Variants in RCAN2 observed in about 807,000 individuals in gnomAD.
RCAN2 encodes the protein regulator of calcineurin 2, also known as calcipressin-2.
RCAN2 carries 9 observed loss-of-function variants against 23.6 expected under a neutral mutation model. The observed-to-expected ratio is 0.38, with a 90% CI of 0.23 to 0.67. The LOEUF is 0.67. RCAN2 is among the 30% of genes least tolerant of loss of function. RCAN2 has a pLI of 0.51. For missense variants in RCAN2, 273 were observed against 302.3 expected (o/e 0.90, Z 0.72); for synonymous variants, 109 against 115.7 (o/e 0.94, Z 0.37).
chr6:46,429,375 A>G (rs185836336), intron 2 of RCAN2, among the ~76,000 whole-genome samples: 2 of 152,324 alleles, frequency 1.3e-5, no homozygotes, highest in East Asian at 1.9e-4. Context: ...ATCTATGTGA[A>G]TATCAGCAAA....
At chr6:46,290,248 T>A (rs1013226158) in intron 2 of RCAN2, among the ~76,000 whole-genome samples, 1 of 152,120 alleles carries the variant, frequency 6.6e-6, no homozygotes, top group Non-Finnish European at 1.5e-5. Flanking sequence ...TCTAAGAATA[T>A]GCAGGAAAAA....
At chr6:46,224,287 C>T (rs921209609) in intron 4 of RCAN2, among the ~76,000 whole-genome samples, 1 of 152,214 alleles carries the variant, frequency 6.6e-6, no homozygotes, top group Admixed American at 6.5e-5. Flanking sequence ...CCTCTCCGGA[C>T]ATCCCATCCT....
At chr6:46,436,929 T>C (rs1767387421) in intron 2 of RCAN2, among the ~76,000 whole-genome samples, 2 of 152,132 alleles carry the variant, frequency 1.3e-5, no homozygotes, top group Non-Finnish European at 2.9e-5. Context: ...CAAAAGAAAG[T>C]TCAGCCTTCC....
At chr6:46,223,324 G>A (rs751562694) in intron 4 of RCAN2, 23 bp from the exon 5 acceptor site, 4 of 1,607,708 alleles carry the variant, frequency 2.5e-6, no homozygotes, top group Non-Finnish European at 3.4e-6. Flanking sequence ...AAAAATGGAA[G>A]TGAGAAAGAG....
chr6:46,455,035 G>A (rs1767978378), intron 2 of RCAN2, among the ~76,000 whole-genome samples: 1 of 152,214 alleles, frequency 6.6e-6, no homozygotes, highest in African/African-American at 2.4e-5. Flanking sequence ...CCTTCTAATT[G>A]TGATATTTAG....
chr6:46,332,173 T>A (rs528041244), intron 2 of RCAN2, among the ~76,000 whole-genome samples: 54 of 152,318 alleles, frequency 3.5e-4, no homozygotes, highest in African/African-American at 1.0e-3. Context: ...ATATAAAATA[T>A]TTCCATGGCT....
intron 2 of RCAN2, among the ~76,000 whole-genome samples, chr6:46,313,020 G>A (rs116761054): frequency 0.011 from 1,617 of 152,274 alleles, 22 homozygotes; most frequent in African/African-American, 0.037. Flanking sequence ...TGTGACCCCA[G>A]TTTCTGTGTA....
intron 2 of RCAN2, among the ~76,000 whole-genome samples, chr6:46,378,414 T>A (rs1452752373): frequency 6.6e-6 from 1 of 152,204 alleles, no homozygotes; most frequent in Non-Finnish European, 1.5e-5. Flanking sequence ...GCTATTAGTC[T>A]CATCATTCTA....
At chr6:46,320,650 G>A (rs1174479558) in intron 2 of RCAN2, among the ~76,000 whole-genome samples, 2 of 152,188 alleles carry the variant, frequency 1.3e-5, no homozygotes, top group Non-Finnish European at 2.9e-5. Flanking sequence ...TGGATTGGGA[G>A]GATGTTGAGA....
intron 2 of RCAN2, among the ~76,000 whole-genome samples, chr6:46,334,638 C>T (rs1206839561): frequency 6.6e-6 from 1 of 152,174 alleles, no homozygotes; most frequent in Non-Finnish European, 1.5e-5. Context: ...ATGCAATCCA[C>T]ATTCTCCGCA....
In RCAN2 at chr6:46,275,458, A is replaced by G. The variant is rs529207776; in HGVS notation, c.226-26562T>C. ...CAAAACAGTTGGTGAGTTTGCCAAC[A>G]CTGGACTTGGCTCCACCATCTTCTC... On this transcript the variant is annotated intron_variant, in intron 2 of 4. Coordinates refer to ENST00000371374, the MANE Select transcript of RCAN2 (RefSeq NM_001251974.2). 7.9e-5 allele frequency among the ~76,000 whole-genome samples: 12 copies of G among 152,360 alleles called. No individual in the cohort carries two copies. The South Asian group carries it at 1.4e-3, about 18-fold the overall frequency.
chr6:46,387,931 G>T (rs1279161843), intron 2 of RCAN2, among the ~76,000 whole-genome samples: 4 of 152,194 alleles, frequency 2.6e-5, no homozygotes, highest in South Asian at 2.1e-4. Flanking sequence ...CCATAAAAAA[G>T]GATGAGTTCA....
At chr6:46,300,373 G>A (rs576245380) in intron 2 of RCAN2, among the ~76,000 whole-genome samples, 32 of 151,992 alleles carry the variant, frequency 2.1e-4, no homozygotes, top group African/African-American at 7.5e-4. Flanking sequence ...GGGAAAAGAT[G>A]TAACATACAA....
chr6:46,441,100 T>C lies in RCAN2; in HGVS notation c.225+15652A>G, dbSNP rs1013848730. Among the ~76,000 whole-genome samples, 4 of 150,938 alleles carry C rather than the reference T, an allele frequency of 2.7e-5. No individual in the cohort carries two copies. In the East Asian group the frequency reaches 7.7e-4, roughly 29 times the overall value. On this transcript the variant is annotated intron_variant, in intron 2 of 4. Coordinates refer to ENST00000371374, the MANE Select transcript of RCAN2 (RefSeq NM_001251974.2). Reference sequence around the variant, plus strand: ...AACCAGAGATAGACAGTCACAGATCTGGGTCGCAGGGAGGGGAATGAAGAA... The same window carrying C: ...AACCAGAGATAGACAGTCACAGATCCGGGTCGCAGGGAGGGGAATGAAGAA...
At chr6:46,293,058 CT>C (rs1219322862) in intron 2 of RCAN2, among the ~76,000 whole-genome samples, 6 of 152,182 alleles carry the variant, frequency 3.9e-5, no homozygotes, top group African/African-American at 1.2e-4. Flanking sequence ...TGAACTCATC[CT>C]TTTTTAATGG....
At chr6:46,297,591 C>T (rs1762764675) in intron 2 of RCAN2, among the ~76,000 whole-genome samples, 2 of 152,076 alleles carry the variant, frequency 1.3e-5, no homozygotes, top group Non-Finnish European at 2.9e-5. Context: ...GCACAGAACA[C>T]ATATTTTCTT....
chr6:46,362,612 C>T (rs1245121654), intron 2 of RCAN2, among the ~76,000 whole-genome samples: 1 of 151,946 alleles, frequency 6.6e-6, no homozygotes, highest in Non-Finnish European at 1.5e-5. Context: ...TTCTGTATTC[C>T]CATTTTATAG....
At chr6:46,287,856 G>A (rs1762422580) in intron 2 of RCAN2, among the ~76,000 whole-genome samples, 1 of 152,200 alleles carries the variant, frequency 6.6e-6, no homozygotes, top group Non-Finnish European at 1.5e-5. Flanking sequence ...TTCCTTATCT[G>A]TAAGATGGTG....
chr6:46,296,517 A>G (rs1048226426), intron 2 of RCAN2, among the ~76,000 whole-genome samples: 3 of 152,134 alleles, frequency 2.0e-5, no homozygotes, highest in Non-Finnish European at 2.9e-5. Context: ...TTAAGGTTAC[A>G]TTTACATAAT....
Sources: gnomAD v4.1 joint callset for allele counts (sites outside exome capture counted in the v4.1 genomes callset) on GRCh38, gnomAD v4.1.1 for gene constraint, MANE v1.5 for transcripts, NCBI Gene and HGNC (gene_info 2026-07-23, HGNC 2026-07-21) for gene names.